SCOC: variants seen among roughly 807,000 people sequenced by gnomAD.
The protein encoded by SCOC is short coiled-coil protein.
A neutral mutation model predicts 9.9 loss-of-function variants in SCOC; 7 were observed. That is an observed-to-expected ratio of 0.71 (90% CI 0.40 to 1.33). The LOEUF (loss-of-function observed/expected upper bound fraction) is 1.33. Among genes scored for constraint, SCOC ranks in the 40% most tolerant of loss-of-function variants. The pLI is 0.01. For synonymous variants in SCOC, 19 were observed against 28.2 expected (o/e 0.67, Z 1.03); for missense variants, 66 against 89.7 (o/e 0.74, Z 1.07).
intron 2 of SCOC, among the ~76,000 whole-genome samples, chr4:140,351,562 G>T (rs974783741): frequency 7.2e-5 from 11 of 152,004 alleles, no homozygotes; most frequent in Admixed American, 2.0e-4. Context: ...TCATTGTAAG[G>T]TTGTAATATG....
chr4:140,341,625 C>T (rs145813619), upstream of SCOC, among the ~76,000 whole-genome samples: 28 of 152,298 alleles, frequency 1.8e-4, no homozygotes, highest in East Asian at 5.2e-3. Context: ...AATACTGGTC[C>T]ATGATTATAT....
rs1190234265 is a variant in SCOC at position 140,383,520 on chromosome 4, C to G, written c.*2416C>G. On this transcript the variant is annotated 3_prime_UTR_variant, in exon 4 of 4. Coordinates refer to ENST00000608372, the MANE Select transcript of SCOC (RefSeq NM_001153484.2). ...TGGGAGATGTATGAAGATTTTGTCC[C>G]TAGCAGTGGAGAAGTTCCTTGATTC... 1.3e-5 allele frequency: 2 copies of G among 152,190 alleles called. No homozygotes were observed. Among genetic ancestry groups the G allele is most frequent in the African/African-American group, 2.4e-5 (1 of 41,442 alleles). The allele number at this position is 152,190 out of a possible 1,614,324, so 9.4% of individuals were successfully genotyped here. A position where few individuals can be genotyped will look rare whatever the true frequency, so the allele number is the denominator to read the frequency against.
At chr4:140,259,104 G>A (rs561380302) in intron 1 of SCOC, among the ~76,000 whole-genome samples, 1 of 152,324 alleles carries the variant, frequency 6.6e-6, no homozygotes, top group African/African-American at 2.4e-5. Flanking sequence ...GCTAATATAA[G>A]TCAAGGGAAA....
At chr4:140,260,322 C>T (rs140642567) in intron 1 of SCOC, among the ~76,000 whole-genome samples, 3 of 152,292 alleles carry the variant, frequency 2.0e-5, no homozygotes, top group Non-Finnish European at 4.4e-5. Context: ...GACAAACTAG[C>T]GAAGCCATTT....
intron 1 of SCOC, among the ~76,000 whole-genome samples, chr4:140,275,707 T>A (rs1004571024): frequency 1.3e-5 from 2 of 152,106 alleles, no homozygotes; most frequent in Non-Finnish European, 2.9e-5. Context: ...ACATAAGTCC[T>A]TAATAAATAC....
At chr4:140,257,887 T>C (rs1397921851) in intron 1 of SCOC, among the ~76,000 whole-genome samples, 1 of 152,232 alleles carries the variant, frequency 6.6e-6, no homozygotes, top group African/African-American at 2.4e-5. Context: ...CACTTCTGGC[T>C]ACAGTGCCAT....
intron 2 of SCOC, among the ~76,000 whole-genome samples, chr4:140,355,209 T>TATATA (rs1727156652): frequency 2.0e-4 from 2 of 10,192 alleles, no homozygotes; most frequent in African/African-American, 8.3e-4. Flanking sequence ...TACATTATAT[T>TATATA]TTTATATATA....
intron 1 of SCOC, chr4:140,376,891 T>C (rs1334525757): frequency 6.6e-6 from 1 of 152,262 alleles, no homozygotes; most frequent in Admixed American, 6.5e-5. Context: ...GACTTCAAAA[T>C]CAGCTGTGTC....
intron 1 of SCOC, among the ~76,000 whole-genome samples, chr4:140,325,093 T>C (rs1294148970): frequency 6.6e-6 from 1 of 152,072 alleles, no homozygotes. Flanking sequence ...GGATAGTTTT[T>C]CAGAAAATGA....
chr4:140,304,194 C>A (rs1469515891), intron 1 of SCOC, among the ~76,000 whole-genome samples: 1 of 152,044 alleles, frequency 6.6e-6, no homozygotes, highest in Non-Finnish European at 1.5e-5. Flanking sequence ...AAGCATATGG[C>A]GCTGGGCATG....
intron 1 of SCOC, among the ~76,000 whole-genome samples, chr4:140,334,479 G>A (rs1032963933): frequency 6.6e-6 from 1 of 151,908 alleles, no homozygotes; most frequent in Non-Finnish European, 1.5e-5. Flanking sequence ...ATACACTTGT[G>A]AAAACAAAAA....
chr4:140,379,232 G>T lies in SCOC; in HGVS notation c.22+40G>T, dbSNP rs753408671. On this transcript the variant is annotated intron_variant, in intron 2 of 3. Coordinates refer to ENST00000608372, the MANE Select transcript of SCOC (RefSeq NM_001153484.2). ...TTCTTTTTTGTATACTCCTGGTTTT[G>T]TGGATGCTTTTGCTTTATTAAGCAA... The T allele has an allele frequency of 4.5e-6, 6 of 1,344,780 alleles. No homozygotes were observed. In the East Asian group the frequency reaches 1.1e-4, roughly 26 times the overall value. 83.3% of individuals were successfully genotyped at this position (1,344,780 alleles called of 1,614,324 possible). A position where few individuals can be genotyped will look rare whatever the true frequency, so the allele number is the denominator to read the frequency against.
At chr4:140,321,008 T>C (rs1017223508) in intron 1 of SCOC, among the ~76,000 whole-genome samples, 2 of 152,152 alleles carry the variant, frequency 1.3e-5, no homozygotes, top group African/African-American at 4.8e-5. Context: ...GAATATAGTT[T>C]GGAGAACTAC....
chr4:140,270,828 G>T (rs1247022064), intron 1 of SCOC, among the ~76,000 whole-genome samples: 2 of 152,144 alleles, frequency 1.3e-5, no homozygotes, highest in African/African-American at 4.8e-5. Flanking sequence ...ACACATCAAA[G>T]AATTAGAATA....
intron 1 of SCOC, among the ~76,000 whole-genome samples, chr4:140,312,765 A>G (rs1732193530): frequency 6.6e-6 from 1 of 152,202 alleles, no homozygotes. Flanking sequence ...GGTAGTTTGA[A>G]GTAAAATTAT....
rs751577927 is a variant in SCOC, at chr4:140,373,730, C to T, written c.-51+13C>T. The T allele has an allele frequency of 9.1e-6, 14 of 1,543,822 alleles. No homozygotes were observed. In the African/African-American group the frequency reaches 1.2e-4, roughly 14 times the overall value. On this transcript the variant is annotated intron_variant, in intron 1 of 3. Coordinates refer to ENST00000608372, the MANE Select transcript of SCOC (RefSeq NM_001153484.2). ...CCTCAAGCGGAAGGTGAGGGCCGTC[C>T]CGGGCAGCGGAGGGCCTGGCCCCAG...
At chr4:140,333,282 C>T (rs1732872055) in intron 1 of SCOC, among the ~76,000 whole-genome samples, 1 of 152,054 alleles carries the variant, frequency 6.6e-6, no homozygotes, top group Admixed American at 6.6e-5. Context: ...CCTTACCCTG[C>T]AATTTTTTCT....
At chr4:140,311,544 T>A (rs904249772) in intron 1 of SCOC, among the ~76,000 whole-genome samples, 1 of 152,160 alleles carries the variant, frequency 6.6e-6, no homozygotes, top group African/African-American at 2.4e-5. Flanking sequence ...CCACACCCCA[T>A]GATCCAACTT....
intron 1 of SCOC, among the ~76,000 whole-genome samples, chr4:140,273,134 G>A (rs914985887): frequency 1.3e-5 from 2 of 152,152 alleles, no homozygotes; most frequent in African/African-American, 2.4e-5. Context: ...CATCCCCACA[G>A]CTCCTTCCTG....
Sources: allele counts gnomAD v4.1 joint callset (sites outside exome capture counted in the v4.1 genomes callset), GRCh38; gene constraint gnomAD v4.1.1; transcripts MANE v1.5; gene names NCBI Gene and HGNC (gene_info 2026-07-23, HGNC 2026-07-21).